Variants in MBP observed in about 807,000 individuals in gnomAD.
MBP encodes Golli-MBP.
Under a neutral mutation model 35.8 loss-of-function variants are expected in MBP, and 16 were observed. The observed-to-expected ratio is 0.45, with a 90% confidence interval of 0.30 to 0.68. The LOEUF (loss-of-function observed/expected upper bound fraction) is 0.68. Among genes scored for constraint, MBP ranks in the 30% least tolerant of loss-of-function variants. The pLI is 0.08. For synonymous variants in MBP, 143 were observed against 159.6 expected, an observed-to-expected ratio of 0.90 and a Z score of 0.78; for missense variants, 380 against 404.7, an observed-to-expected ratio of 0.94 and a Z score of 0.52.
intron 2 of MBP, among the ~76,000 whole-genome samples, chr18:77,083,189 A>T (rs56971247): frequency 0.044 from 6,691 of 151,656 alleles, 237 homozygotes; most frequent in East Asian, 0.09. Flanking sequence ...CTGGTCTTGA[A>T]CTCCTGACCT....
intron 2 of MBP, among the ~76,000 whole-genome samples, chr18:77,084,431 CCACACACACACACACACACACA>C (rs60010988): frequency 9.4e-6 from 1 of 105,886 alleles, no homozygotes; most frequent in Non-Finnish European, 2.0e-5. Flanking sequence ...CCACACCACA[CCACACACACACACACACACACA>C]CACACACACA....
intron 3 of MBP, among the ~76,000 whole-genome samples, chr18:77,041,026 T>C (rs1157412552): frequency 6.6e-6 from 1 of 151,846 alleles, no homozygotes; most frequent in African/African-American, 2.4e-5. Flanking sequence ...TTTTGCAATC[T>C]ACTCATCTGA....
intron 2 of MBP, among the ~76,000 whole-genome samples, chr18:77,081,793 C>T (rs1320607309): frequency 2.0e-4 from 6 of 29,804 alleles, no homozygotes; most frequent in Non-Finnish European, 4.6e-4. Flanking sequence ...CACACACACA[C>T]GTATATATAT....
At chr18:77,086,022 C>A (rs1975218783) in intron 2 of MBP, among the ~76,000 whole-genome samples, 1 of 152,100 alleles carries the variant, frequency 6.6e-6, no homozygotes, top group South Asian at 2.1e-4. Context: ...GACAGACAGA[C>A]AAACAGAGAG....
At chr18:76,980,805 A>G (rs1385047919) in intron 8 of MBP, 2 of 267,482 alleles carry the variant, frequency 7.5e-6, no homozygotes, top group African/African-American at 4.4e-5. Context: ...TTGAATGAGC[A>G]CTTTTTCTCG....
intron 4 of MBP, among the ~76,000 whole-genome samples, chr18:77,008,440 CG>C (rs1359677692): frequency 1.3e-5 from 2 of 152,182 alleles, no homozygotes; most frequent in Non-Finnish European, 2.9e-5. Context: ...AAACCAAGTG[CG>C]GCTTCACAAC....
rs1969768696 is a variant in MBP at position 76,989,546 on chromosome 18, A to T, written c.681+410T>A. ...GGGTTTGGACAAGTGCGTGGTCTTC[A>T]GTCACCATGGCAGCCTCGACAGAGC... is the stretch of plus-strand genomic sequence containing the variant. On this transcript the variant is annotated intron_variant, in intron 5 of 8. Transcript: ENST00000355994. This position sits in a 1 kb window ranked among gnomAD's most constrained non-coding sequence, Gnocchi z 4.0. 6.6e-6 allele frequency among the ~76,000 whole-genome samples: 1 copy of T among 152,088 alleles called. No individual in the cohort carries two copies. Among genetic ancestry groups the T allele is most frequent in the Admixed American group, 6.5e-5 (1 of 15,268 alleles).
chr18:77,122,173 T>A (rs764259502), intron 1 of MBP, among the ~76,000 whole-genome samples: 5 of 152,206 alleles, frequency 3.3e-5, no homozygotes, highest in Non-Finnish European at 5.9e-5. Context: ...GACTGTGCAC[T>A]ATGGTAGACA....
At chr18:77,026,965 A>G (rs570570933) in intron 3 of MBP, among the ~76,000 whole-genome samples, 13 of 152,348 alleles carry the variant, frequency 8.5e-5, no homozygotes, top group African/African-American at 3.1e-4. Context: ...ACCATCCCTC[A>G]GGTAACTTGA....
At chr18:77,026,239 C>T (rs1018832614) in intron 3 of MBP, among the ~76,000 whole-genome samples, 9 of 152,266 alleles carry the variant, frequency 5.9e-5, no homozygotes, top group Admixed American at 2.6e-4. Flanking sequence ...GGCTGTCAGC[C>T]GCAACCGGAG....
Position 77,101,427 on chromosome 18 carries a change from C to A in MBP, c.51+3784G>T, listed in dbSNP as rs201125599. 3.3e-5 allele frequency among the ~76,000 whole-genome samples: 5 copies of A among 152,316 alleles called. No individual in the cohort carries two copies. The highest frequency in any genetic ancestry group is 9.6e-5 in the African/African-American group (4 of 41,556). ...GAGTTTCTTCGTTTCTGAGAAGGAG[C>A]GCTGTGCCCTGAACCTGCGCCTGCC... On this transcript the variant is annotated intron_variant, in intron 2 of 8. Coordinates refer to ENST00000355994, the MANE Select transcript of MBP (RefSeq NM_001025101.2). The surrounding 1 kb of genome is among the most constrained non-coding windows in gnomAD (Gnocchi z 4.3).
intron 2 of MBP, among the ~76,000 whole-genome samples, chr18:77,083,725 T>C (rs1318384475): frequency 1.3e-5 from 2 of 152,218 alleles, no homozygotes; most frequent in Non-Finnish European, 2.9e-5. Context: ...CCTGAAAACA[T>C]CATGTTACAT....
chr18:77,084,408 A>ACCC (rs1975114456), intron 2 of MBP, among the ~76,000 whole-genome samples: 2 of 55,822 alleles, frequency 3.6e-5, no homozygotes, highest in Admixed American at 2.1e-4. Flanking sequence ...CCATCACAAC[A>ACCC]CCGCCCCCCC....
At chr18:77,027,520 C>T (rs1972269117) in intron 3 of MBP, among the ~76,000 whole-genome samples, 1 of 152,208 alleles carries the variant, frequency 6.6e-6, no homozygotes. Flanking sequence ...AGACCCAGCT[C>T]CCCGCCCTCG....
chr18:77,049,297 ATAAG>A (rs1234774296), intron 3 of MBP, among the ~76,000 whole-genome samples: 2 of 152,228 alleles, frequency 1.3e-5, no homozygotes, highest in Non-Finnish European at 2.9e-5. Flanking sequence ...AAACTGTTCA[ATAAG>A]TATTTGTAGA....
At chr18:77,008,927 C>T (rs966896924) in intron 4 of MBP, among the ~76,000 whole-genome samples, 9 of 152,200 alleles carry the variant, frequency 5.9e-5, no homozygotes, top group Admixed American at 1.3e-4. Flanking sequence ...CCCCCCTTGC[C>T]GGCCTCTGAA....
At chr18:77,126,364 T>C (rs1977049395) in intron 1 of MBP, among the ~76,000 whole-genome samples, 2 of 152,084 alleles carry the variant, frequency 1.3e-5, no homozygotes, top group Non-Finnish European at 2.9e-5. Context: ...TTTGACAAAA[T>C]ACAACACACA....
chr18:77,089,075 C>G (rs1717817156), intron 2 of MBP, among the ~76,000 whole-genome samples: 1 of 152,248 alleles, frequency 6.6e-6, no homozygotes, highest in South Asian at 2.1e-4. Flanking sequence ...ATTCACGTAG[C>G]CTGTCACATC....
At position 77,092,320 on chromosome 18, in the gene MBP, G is replaced by A. The variant is rs1164860356; in HGVS notation, c.51+12891C>T. On this transcript the variant is annotated intron_variant, in intron 2 of 8. Transcript: ENST00000355994. ...TCCCTCGCGGGGGCATCTGCAGAAG[G>A]GCACTGAATGCGCTCCCCACCCCAG... Among the ~76,000 whole-genome samples, 3 of 152,182 alleles carry A rather than the reference G, an allele frequency of 2.0e-5. No homozygotes were observed. The East Asian group carries it at 5.8e-4, about 29-fold the overall frequency.
Sources: gnomAD v4.1 joint callset for allele counts (sites outside exome capture counted in the v4.1 genomes callset) on GRCh38, gnomAD v4.1.1 for gene constraint, Gnocchi (gnomAD v3.1) non-coding constraint, MANE v1.5 for transcripts, NCBI Gene and HGNC (gene_info 2026-07-23, HGNC 2026-07-21) for gene names.